The following PRELID2 variants were observed in gnomAD, a reference collection of about 807,000 sequenced individuals.
PRELID2 encodes the protein PRELI domain containing 2.
PRELID2 carries 25 observed loss-of-function variants against 28.4 expected under a neutral mutation model. The ratio of observed to expected loss-of-function variants is 0.88; its 90% CI spans 0.64 to 1.23. PRELID2 has a LOEUF of 1.23. Ranked by LOEUF, PRELID2 falls within the 50% of genes most tolerant of loss-of-function variation. The pLI is 0.00. For synonymous variants in PRELID2, 76 were observed against 71.6 expected (o/e 1.06, Z -0.31); for missense variants, 201 against 214.4 (o/e 0.94, Z 0.39).
intron 1 of PRELID2, among the ~76,000 whole-genome samples, chr5:145,601,843 T>C (rs368238483): frequency 3.2e-4 from 48 of 152,150 alleles, no homozygotes; most frequent in African/African-American, 1.1e-3. Context: ...GGAAGTTAGT[T>C]TGGAAAACAG....
chr5:145,552,349 G>A (rs1000161027), intron 1 of PRELID2, among the ~76,000 whole-genome samples: 70 of 152,114 alleles, frequency 4.6e-4, no homozygotes, highest in Admixed American at 2.8e-3. Context: ...GGGAACAGCT[G>A]CTGCCACACA....
At chr5:145,383,784 T>C in the PRELID2 span, among the ~76,000 whole-genome samples, 5 of 151,918 alleles carry the variant, frequency 3.3e-5, no homozygotes, top group African/African-American at 1.2e-4. Context: ...AAACATTTCT[T>C]AAAGAGAAGA....
chr5:145,367,360 TACTC>T, the PRELID2 span, among the ~76,000 whole-genome samples: 4 of 151,936 alleles, frequency 2.6e-5, no homozygotes, highest in East Asian at 7.7e-4. Flanking sequence ...ATTTCTAATA[TACTC>T]ACTGTCTGCA....
the PRELID2 span, among the ~76,000 whole-genome samples, chr5:145,274,888 T>G: frequency 6.6e-6 from 1 of 152,102 alleles, no homozygotes; most frequent in Non-Finnish European, 1.5e-5. Context: ...TTCTCACAGT[T>G]CTGGAAGCTA....
At chr5:145,478,180 A>T (rs1379174215) in intron 1 of PRELID2, among the ~76,000 whole-genome samples, 1 of 152,172 alleles carries the variant, frequency 6.6e-6, no homozygotes. Flanking sequence ...GACTTTGGAC[A>T]CTTGGATGTG....
chr5:145,599,905 G>T (rs1753364479), intron 1 of PRELID2, among the ~76,000 whole-genome samples: 1 of 152,026 alleles, frequency 6.6e-6, no homozygotes, highest in Non-Finnish European at 1.5e-5. Context: ...GAGCAAATCT[G>T]GGTTAGGTTT....
the PRELID2 span, among the ~76,000 whole-genome samples, chr5:145,425,232 G>A: frequency 6.6e-6 from 1 of 152,138 alleles, no homozygotes; most frequent in African/African-American, 2.4e-5. Context: ...AGTCAGAACG[G>A]CTATTACTAA....
chr5:145,382,002 ATAACTT>A, the PRELID2 span, among the ~76,000 whole-genome samples: 1 of 151,926 alleles, frequency 6.6e-6, no homozygotes, highest in Non-Finnish European at 1.5e-5. Flanking sequence ...AATACATTGA[ATAACTT>A]TAAAGTGGGG....
chr5:145,667,765 A>G (rs1357339235), intron 1 of PRELID2, among the ~76,000 whole-genome samples: 2 of 152,068 alleles, frequency 1.3e-5, no homozygotes, highest in African/African-American at 4.8e-5. Context: ...TGAAGATAAT[A>G]ATATCAATAT....
chr5:145,247,013 A>G, the PRELID2 span, among the ~76,000 whole-genome samples: 3 of 152,172 alleles, frequency 2.0e-5, no homozygotes, highest in Non-Finnish European at 4.4e-5. Flanking sequence ...CAAGAGTCTG[A>G]ACCTCCCAAA....
chr5:145,603,154 G>GAAGA (rs376255984), intron 1 of PRELID2, among the ~76,000 whole-genome samples: 4,994 of 151,808 alleles, frequency 0.033, 171 homozygotes, highest in African/African-American at 0.079. Flanking sequence ...TGAAAGAAAA[G>GAAGA]AACAGATACT....
chr5:145,746,350 C>G (rs538246517), intron 1 of PRELID2, among the ~76,000 whole-genome samples: 5 of 151,380 alleles, frequency 3.3e-5, no homozygotes, highest in Non-Finnish European at 5.9e-5. Context: ...AGCAAAAAAA[C>G]AAACACAAAA....
chr5:145,694,754 C>T (rs907959308), intron 1 of PRELID2, among the ~76,000 whole-genome samples: 3 of 151,240 alleles, frequency 2.0e-5, no homozygotes, highest in African/African-American at 7.3e-5. Flanking sequence ...AAAAATCACG[C>T]TTTCATATTA....
the PRELID2 span, among the ~76,000 whole-genome samples, chr5:145,411,176 A>G: frequency 6.6e-6 from 1 of 152,216 alleles, no homozygotes; most frequent in African/African-American, 2.4e-5. Context: ...TGGCTGGGGA[A>G]GCCTGACAAT....
chr5:145,749,061 G>A (rs185657894), intron 1 of PRELID2, among the ~76,000 whole-genome samples: 6 of 152,156 alleles, frequency 3.9e-5, no homozygotes, highest in Admixed American at 2.6e-4. Context: ...GGACATAGGC[G>A]TGGGCAGAGA....
chr5:145,645,338 CTTTTTTTTT>C (rs35732947), intron 1 of PRELID2, among the ~76,000 whole-genome samples: 3 of 47,852 alleles, frequency 6.3e-5, no homozygotes, highest in African/African-American at 2.4e-4. Flanking sequence ...GCAACTCCTG[CTTTTTTTTT>C]TTTTTTTTTT....
Position 145,562,445 on chromosome 5 carries a change from G to T in PRELID2, n.71-89130C>A, listed in dbSNP as rs146215627. ...TCTAAATTCAGTTAATGTACATCTA[G>T]ATGATCTATTATGGTTCATTTTCAT... On this transcript the variant is annotated intron_variant and non_coding_transcript_variant, in intron 1 of 2. Coordinates refer to the PRELID2 transcript ENST00000510259. 6.4e-3 allele frequency among the ~76,000 whole-genome samples: 979 copies of T among 152,228 alleles called. 18 individuals are homozygous for T. Among genetic ancestry groups the T allele is most frequent in the African/African-American group, 0.022 (916 of 41,522 alleles).
chr5:145,695,337 A>G (rs1755236693), intron 1 of PRELID2, among the ~76,000 whole-genome samples: 1 of 152,222 alleles, frequency 6.6e-6, no homozygotes, highest in African/African-American at 2.4e-5. Flanking sequence ...GGCAGAAAAG[A>G]GCTTGGTGCA....
intron 1 of PRELID2, among the ~76,000 whole-genome samples, chr5:145,746,293 T>C (rs1332172163): frequency 6.6e-6 from 1 of 152,028 alleles, no homozygotes; most frequent in Non-Finnish European, 1.5e-5. Flanking sequence ...AAGTCACACA[T>C]GGGCTCAAAA....
Sources: gnomAD v4.1 joint callset for allele counts (sites outside exome capture counted in the v4.1 genomes callset) on GRCh38, gnomAD v4.1.1 for gene constraint, MANE v1.5 for transcripts, NCBI Gene and HGNC (gene_info 2026-07-23, HGNC 2026-07-21) for gene names.